The following PNPLA1 variants were observed in gnomAD, a reference collection of about 807,000 sequenced individuals.
The protein encoded by PNPLA1 is omega-hydroxyceramide transacylase.
In PNPLA1, 36 loss-of-function variants were observed where a neutral mutation model predicts 51.7. The observed-to-expected ratio is 0.70, with a 90% CI of 0.53 to 0.92. PNPLA1 has a LOEUF of 0.92. Ranked by LOEUF, PNPLA1 falls within the 40% of genes least tolerant of loss-of-function variation. The probability of loss-of-function intolerance (pLI) is 0.00; values close to 1 mark genes in which losing one functional copy is unlikely to be tolerated. For synonymous variants in PNPLA1, 293 were observed against 280.1 expected (o/e 1.05, Z -0.46); for missense variants, 658 against 682.5 (o/e 0.96, Z 0.40).
At chr6:36,269,464 C>G (rs900360571), upstream of PNPLA1, among the ~76,000 whole-genome samples, 3 of 152,170 alleles carry the variant, frequency 2.0e-5, no homozygotes, top group Non-Finnish European at 4.4e-5. Context: ...CACAGGTGAC[C>G]TCCCCAGCTG....
intron 1 of PNPLA1, among the ~76,000 whole-genome samples, chr6:36,273,728 C>CAAAAAAAAAAAAAAAAAAAAA (rs57186870): frequency 1.9e-4 from 9 of 48,224 alleles, no homozygotes; most frequent in South Asian, 3.0e-3. Context: ...GACCCCATCG[C>CAAAAAAAAAAAAAAAAAAAAA]AAAAAAAAAA....
chr6:36,278,621 C>A (rs145213810), intron 1 of PNPLA1, among the ~76,000 whole-genome samples: 1 of 152,168 alleles, frequency 6.6e-6, no homozygotes, highest in South Asian at 2.1e-4. Context: ...ACTAGTACAG[C>A]CCCGCTGTTG....
Position 36,289,989 on chromosome 6 carries a change from G to A in PNPLA1, c.206-1331G>A, listed in dbSNP as rs376279851. Among the ~76,000 whole-genome samples the A allele has an allele frequency of 5.9e-5, 9 of 152,210 alleles. No homozygotes were observed. The South Asian group carries it at 1.5e-3, about 25-fold the overall frequency. ...GAGTAAGGCACACTGATTACTTCCC[G>A]GATATATTGCAAGGTGCCTGTGAGA... On this transcript the variant is annotated intron_variant, in intron 1 of 8. Coordinates refer to ENST00000636260, the MANE Select transcript of PNPLA1 (RefSeq NM_001374623.1).
chr6:36,277,903 T>C (rs1481690988), intron 1 of PNPLA1, among the ~76,000 whole-genome samples: 4 of 152,154 alleles, frequency 2.6e-5, no homozygotes, highest in African/African-American at 9.7e-5. Context: ...GTCCAGTTTG[T>C]TGTCTGGGAA....
At position 36,294,042 on chromosome 6, in the gene PNPLA1, C is replaced by T. The variant is rs1260248539; in HGVS notation, c.505-148C>T. 8 of 915,420 alleles carry T rather than the reference C, an allele frequency of 8.7e-6. No individual in the cohort carries two copies. Among genetic ancestry groups the T allele is most frequent in the South Asian group, 1.7e-5 (1 of 58,332 alleles). 56.7% of individuals were successfully genotyped at this position (915,420 alleles called of 1,614,324 possible). ...CACACCACGCACCCACCAGGACCTC[C>T]GTCTCCAGGCTTATCCTGAGGGGTC... is the stretch of plus-strand genomic sequence containing the variant. On this transcript the variant is annotated intron_variant, in intron 3 of 8. Transcript: ENST00000636260. The surrounding 1 kb of genome is among the most constrained non-coding windows in gnomAD (Gnocchi z 4.2).
intron 2 of PNPLA1, 40 bp downstream of exon 2, chr6:36,291,592 C>CGGGGGG: frequency 1.9e-5 from 2 of 105,202 alleles, no homozygotes; most frequent in Non-Finnish European, 3.9e-5. Flanking sequence ...ACGGAGGGGG[C>CGGGGGG]GGGGGAGGGC....
chr6:36,310,355 AT>A (rs1740783007), intron 8 of PNPLA1, among the ~76,000 whole-genome samples: 1 of 152,196 alleles, frequency 6.6e-6, no homozygotes, highest in Admixed American at 6.5e-5. Context: ...TTCCGTGGTC[AT>A]CCGACTCTGG....
In PNPLA1 at chr6:36,313,687, G is replaced by A. The variant is rs560796709; in HGVS notation, c.*1801G>A. Among the ~76,000 whole-genome samples the A allele has an allele frequency of 1.3e-5, 2 of 152,296 alleles. No homozygotes were observed. Among genetic ancestry groups the A allele is most frequent in the East Asian group, 1.9e-4 (1 of 5,176 alleles). ...GGAAGCAGCTGGAGGTGTGTACTGT[G>A]GGGGAGACTGACTAGAGAGGCCCGC... On this transcript the variant is annotated 3_prime_UTR_variant, in exon 9 of 9. Coordinates refer to ENST00000636260, the MANE Select transcript of PNPLA1 (RefSeq NM_001374623.1).
rs1041541840 is a variant in PNPLA1, at chr6:36,313,014, T to C, written c.*1128T>C. ...GTTGTTTGGTTTTTAATTCTTACAG[T>C]GTACTAACGGCTTGGCCTGAGCTGG... is the stretch of plus-strand genomic sequence containing the variant. On this transcript the variant is annotated 3_prime_UTR_variant, in exon 9 of 9. Coordinates refer to ENST00000636260, the MANE Select transcript of PNPLA1 (RefSeq NM_001374623.1). 1.3e-5 allele frequency among the ~76,000 whole-genome samples: 2 copies of C among 152,150 alleles called. No individual in the cohort carries two copies. Among genetic ancestry groups the C allele is most frequent in the African/African-American group, 4.8e-5 (2 of 41,424 alleles).
chr6:36,274,348 C>T (rs963306953), intron 1 of PNPLA1, among the ~76,000 whole-genome samples: 8 of 152,100 alleles, frequency 5.3e-5, no homozygotes, highest in South Asian at 2.1e-4. Context: ...GAGGCAGGGT[C>T]GGGGAGTCTC....
intron 6 of PNPLA1, 45 bp from the exon 7 acceptor site, chr6:36,306,246 TC>T (rs755243278): frequency 9.1e-6 from 13 of 1,432,288 alleles, no homozygotes; most frequent in Non-Finnish European, 1.1e-5. Flanking sequence ...TGACTCCATA[TC>T]CCCCCTCCCC....
intron 3 of PNPLA1, among the ~76,000 whole-genome samples, chr6:36,293,372 A>G (rs1012815565): frequency 3.3e-5 from 5 of 152,190 alleles, no homozygotes; most frequent in Admixed American, 6.5e-5. Context: ...CGGGCAAATC[A>G]AGGCTCCATA....
chr6:36,285,119 A>T lies in PNPLA1; in HGVS notation c.206-6201A>T, dbSNP rs181053870. ...AATTATTATTACGTTGGGGTAGGGT[A>T]TTCAAGATATACCCACAGGAAAATG... On this transcript the variant is annotated intron_variant, in intron 1 of 8. Transcript: ENST00000636260. Among the ~76,000 whole-genome samples the T allele has an allele frequency of 3.9e-5, 6 of 152,340 alleles. No homozygotes were observed. The East Asian group carries it at 1.2e-3, about 29-fold the overall frequency.
intron 1 of PNPLA1, among the ~76,000 whole-genome samples, chr6:36,262,642 C>T (rs906702160): frequency 1.3e-5 from 2 of 152,200 alleles, no homozygotes; most frequent in Non-Finnish European, 2.9e-5. Flanking sequence ...ATGTTACATG[C>T]ATATACATAC....
chr6:36,247,700 A>G (rs1339152173), intron 1 of PNPLA1, among the ~76,000 whole-genome samples: 1 of 152,212 alleles, frequency 6.6e-6, no homozygotes, highest in East Asian at 1.9e-4. Flanking sequence ...AAGGAGGCCA[A>G]GCCCAGGGGC....
chr6:36,274,777 A>G (rs183637525), intron 1 of PNPLA1, among the ~76,000 whole-genome samples: 6 of 152,314 alleles, frequency 3.9e-5, no homozygotes, highest in Admixed American at 2.0e-4. Context: ...TAATCTACCT[A>G]TCCTGACTGC....
intron 1 of PNPLA1, among the ~76,000 whole-genome samples, chr6:36,281,715 C>T (rs1770287322): frequency 6.6e-6 from 1 of 152,062 alleles, no homozygotes; most frequent in Non-Finnish European, 1.5e-5. Flanking sequence ...ATTATTTATA[C>T]ATTGGTTAAG....
At chr6:36,291,939 G>A (rs1026810373) in intron 2 of PNPLA1, among the ~76,000 whole-genome samples, 5 of 152,180 alleles carry the variant, frequency 3.3e-5, no homozygotes, top group African/African-American at 1.2e-4. Flanking sequence ...TCAGGGGAGA[G>A]GGGCCCCCAT....
At chr6:36,298,547 A>G (rs1395584947) in intron 5 of PNPLA1, among the ~76,000 whole-genome samples, 1 of 152,188 alleles carries the variant, frequency 6.6e-6, no homozygotes, top group East Asian at 1.9e-4. Context: ...ACACACATTG[A>G]TCAACAACTC....
Sources: allele counts gnomAD v4.1 joint callset (sites outside exome capture counted in the v4.1 genomes callset), GRCh38; gene constraint gnomAD v4.1.1; non-coding constraint Gnocchi (gnomAD v3.1); transcripts MANE v1.5; gene names NCBI Gene and HGNC (gene_info 2026-07-23, HGNC 2026-07-21).